The following TDRD3 variants were observed in gnomAD, a reference collection of about 807,000 sequenced individuals.
TDRD3 encodes the protein tudor domain containing 3.
In TDRD3, 45 loss-of-function variants were observed where a neutral mutation model predicts 86.7. That is an observed-to-expected ratio of 0.52 (90% confidence interval 0.41 to 0.67). TDRD3 has a LOEUF of 0.67. TDRD3 is among the 30% of genes least tolerant of loss of function. The pLI, the probability that TDRD3 is intolerant of heterozygous loss-of-function variation, is 0.00. For synonymous variants in TDRD3, 298 were observed against 301.7 expected (o/e 0.99, Z 0.13); for missense variants, 814 against 889.0 (o/e 0.92, Z 1.07).
intron 4 of TDRD3, chr13:60,461,180 A>G (rs894418900): frequency 6.6e-5 from 10 of 152,180 alleles, no homozygotes; most frequent in African/African-American, 2.2e-4. Context: ...TTGACAGTTC[A>G]GTAGTTGTGT....
chr13:60,412,264 A>T (rs1371920999), intron 1 of TDRD3, among the ~76,000 whole-genome samples: 2 of 152,228 alleles, frequency 1.3e-5, no homozygotes, highest in East Asian at 3.8e-4. Context: ...TTTTTCATTC[A>T]GTGATATTGT....
At chr13:60,454,240 G>A (rs1164281607) in intron 3 of TDRD3, among the ~76,000 whole-genome samples, 1 of 152,100 alleles carries the variant, frequency 6.6e-6, no homozygotes, top group African/African-American at 2.4e-5. Context: ...GGCTTGATAT[G>A]TATTGGTAAA....
rs557821586 is a variant in TDRD3 at position 60,550,199 on chromosome 13, G to A, written c.2118+14966G>A. ...AAATGAAGAAACACAATACTATGAG[G>A]TTTATCAAATTATGAAATTGATGAA... is the stretch of plus-strand genomic sequence containing the variant. On this transcript the variant is annotated intron_variant, in intron 12 of 13. Coordinates refer to ENST00000377881, the MANE Select transcript of TDRD3 (RefSeq NM_001146070.2). Among the ~76,000 whole-genome samples, 4 of 152,106 alleles carry A rather than the reference G, an allele frequency of 2.6e-5. No individual in the cohort carries two copies. In the South Asian group the frequency reaches 8.3e-4, roughly 32 times the overall value.
At chr13:60,542,699 C>A (rs1461940467) in intron 12 of TDRD3, among the ~76,000 whole-genome samples, 6 of 152,202 alleles carry the variant, frequency 3.9e-5, no homozygotes, top group Non-Finnish European at 8.8e-5. Context: ...CTTTTTAAAT[C>A]CTATGTATGT....
rs750738821 is a variant in TDRD3, at chr13:60,529,015, G to A, written c.1790G>A (p.Gly597Glu). The part of the protein sequence containing the change: ...PNGEVEMPLK[G>E]RRIGPIKPAG... ...GGAGAAGTAGAAATGCCACTGAAAG[G>A]AAGACGAATAGGACCTATTAAGCCA... The change falls in exon 11 of 14, where the codon GGA (glycine) becomes GAA (glutamate). Residue 597 changes from glycine (G) to glutamate (E), a missense_variant. Coordinates refer to ENST00000377881, the MANE Select transcript of TDRD3 (RefSeq NM_001146070.2). 2 of 1,613,992 alleles carry A rather than the reference G, an allele frequency of 1.2e-6. No individual in the cohort carries two copies. Among genetic ancestry groups the A allele is most frequent in the East Asian group, 2.2e-5 (1 of 44,848 alleles).
At chr13:60,490,050 G>T (rs375354041) in intron 7 of TDRD3, among the ~76,000 whole-genome samples, 224 of 110,976 alleles carry the variant, frequency 2.0e-3, no homozygotes, top group East Asian at 5.4e-3. Context: ...AAGCATCTTA[G>T]TTTTTTTTTT....
chr13:60,552,741 G>T (rs1958095800), intron 12 of TDRD3, among the ~76,000 whole-genome samples: 1 of 152,248 alleles, frequency 6.6e-6, no homozygotes, highest in African/African-American at 2.4e-5. Context: ...AATCTAAGTG[G>T]AGGCTCCCAA....
chr13:60,461,156 A>G (rs1245001535), intron 4 of TDRD3: 2 of 152,310 alleles, frequency 1.3e-5, no homozygotes, highest in East Asian at 1.9e-4. Context: ...ATTTTTAAAA[A>G]TACGGTTTCA....
intron 1 of TDRD3, among the ~76,000 whole-genome samples, chr13:60,426,547 A>AT (rs1424931653): frequency 3.3e-5 from 5 of 152,300 alleles, no homozygotes; most frequent in Admixed American, 6.5e-5. Flanking sequence ...CACAATAAAA[A>AT]TTTTTTTAAA....
intron 7 of TDRD3, among the ~76,000 whole-genome samples, chr13:60,490,040 A>T: frequency 7.0e-6 from 1 of 141,906 alleles, no homozygotes; most frequent in African/African-American, 2.6e-5. Context: ...TTGATAATTA[A>T]AGCATCTTAG....
At chr13:60,502,136 A>G (rs1956137750) in intron 8 of TDRD3, among the ~76,000 whole-genome samples, 1 of 152,170 alleles carries the variant, frequency 6.6e-6, no homozygotes, top group Admixed American at 6.5e-5. Context: ...CCTTAGTTTT[A>G]TCTTCCCAAA....
chr13:60,553,600 C>T (rs112804004), intron 12 of TDRD3, among the ~76,000 whole-genome samples: 8,346 of 151,128 alleles, frequency 0.055, 303 homozygotes, highest in Middle Eastern at 0.083. Flanking sequence ...CTGCATGGCT[C>T]GAGAGGTCTC....
chr13:60,441,567 A>G lies in TDRD3; in HGVS notation c.126+1795A>G, dbSNP rs373885643. 3.9e-5 allele frequency among the ~76,000 whole-genome samples: 6 copies of G among 152,322 alleles called. No homozygotes were observed. In the East Asian group the frequency reaches 7.7e-4, roughly 20 times the overall value. ...TTTTCCAAATTTATCATCTTTTAAT[A>G]AAATTTAGGCATTTGTAGTATTCTG... On this transcript the variant is annotated intron_variant, in intron 2 of 13. Transcript: ENST00000377881.
intron 12 of TDRD3, chr13:60,537,748 C>T (rs1036040720): frequency 6.6e-6 from 1 of 151,948 alleles, no homozygotes; most frequent in South Asian, 2.1e-4. Context: ...TTAACTTGTG[C>T]ACTATATATG....
intron 11 of TDRD3, among the ~76,000 whole-genome samples, chr13:60,534,447 A>G (rs879754669): frequency 2.0e-5 from 3 of 152,200 alleles, no homozygotes; most frequent in Non-Finnish European, 4.4e-5. Flanking sequence ...CGGACTTGCA[A>G]TGTCTTTAAT....
chr13:60,488,209 A>G (rs1956492154), intron 7 of TDRD3, among the ~76,000 whole-genome samples: 1 of 152,172 alleles, frequency 6.6e-6, no homozygotes, highest in Admixed American at 6.5e-5. Context: ...GAAGAAATCT[A>G]TGTGCAGGAA....
chr13:60,549,672 A>G (rs1242387274), intron 12 of TDRD3, among the ~76,000 whole-genome samples: 1 of 152,130 alleles, frequency 6.6e-6, no homozygotes, highest in African/African-American at 2.4e-5. Context: ...TTGGGGGCTT[A>G]TCTCAGTAAA....
intron 4 of TDRD3, among the ~76,000 whole-genome samples, chr13:60,462,720 G>T (rs954115000): frequency 6.6e-6 from 1 of 151,888 alleles, no homozygotes; most frequent in East Asian, 1.9e-4. Flanking sequence ...AGGAACCTTT[G>T]GGTGCCAATG....
At position 60,518,129 on chromosome 13, in the gene TDRD3, A is replaced by G. The variant is rs1957213539; in HGVS notation, c.1141+7374A>G. On this transcript the variant is annotated intron_variant, in intron 10 of 13. Transcript: ENST00000377881. ...GATGGCAGGCACAGTACCAGGTGGG[A>G]AGTGAAAATATACTACACTGCTGCC... 2.6e-5 allele frequency among the ~76,000 whole-genome samples: 4 copies of G among 152,302 alleles called. No individual in the cohort carries two copies. In the South Asian group the frequency reaches 6.2e-4, roughly 24 times the overall value.
Sources: allele counts gnomAD v4.1 joint callset (sites outside exome capture counted in the v4.1 genomes callset), GRCh38; gene constraint gnomAD v4.1.1; transcripts MANE v1.5; gene names NCBI Gene and HGNC (gene_info 2026-07-23, HGNC 2026-07-21).